Variants in SH3RF2 observed in about 807,000 individuals in gnomAD.
The protein encoded by SH3RF2 is SH3 domain containing ring finger 2.
Under a neutral mutation model 59.0 loss-of-function variants are expected in SH3RF2, and 43 were observed. The observed-to-expected ratio is 0.73, with a 90% CI of 0.57 to 0.94. The LOEUF (loss-of-function observed/expected upper bound fraction) is 0.94. Among genes scored for constraint, SH3RF2 ranks in the 40% least tolerant of loss-of-function variants. The pLI is 0.00. For missense variants in SH3RF2, 930 were observed against 940.1 expected, an observed-to-expected ratio of 0.99 and a Z score of 0.14; for synonymous variants, 391 against 391.5, an observed-to-expected ratio of 1.00 and a Z score of 0.01.
intron 5 of SH3RF2, among the ~76,000 whole-genome samples, chr5:146,037,691 T>TA (rs1761987133): frequency 6.6e-6 from 1 of 152,330 alleles, no homozygotes; most frequent in Middle Eastern, 3.4e-3. Flanking sequence ...ATCAGCAATT[T>TA]AAAATCTTCC....
chr5:146,037,578 G>C (rs1761983956), intron 5 of SH3RF2, among the ~76,000 whole-genome samples: 1 of 152,052 alleles, frequency 6.6e-6, no homozygotes, highest in African/African-American at 2.4e-5. Flanking sequence ...GTTCCCACAG[G>C]AACTTCTCTT....
chr5:145,979,088 A>G (rs1330243003), intron 2 of SH3RF2, among the ~76,000 whole-genome samples: 7 of 152,192 alleles, frequency 4.6e-5, no homozygotes, highest in East Asian at 1.9e-4. Flanking sequence ...TCCTGGCCCT[A>G]AGTAAGATTA....
chr5:146,001,718 T>G (rs1047310107), intron 3 of SH3RF2, among the ~76,000 whole-genome samples: 1 of 152,218 alleles, frequency 6.6e-6, no homozygotes, highest in African/African-American at 2.4e-5. Flanking sequence ...AGCCCATCCA[T>G]GTGCCAAGCT....
intron 7 of SH3RF2, among the ~76,000 whole-genome samples, chr5:146,052,150 T>C (rs1033032541): frequency 6.6e-6 from 1 of 152,132 alleles, no homozygotes; most frequent in South Asian, 2.1e-4. Context: ...TAAATCCTGG[T>C]TATACCATCA....
intron 2 of SH3RF2, among the ~76,000 whole-genome samples, chr5:145,962,613 A>G (rs770777397): frequency 1.3e-5 from 2 of 150,566 alleles, no homozygotes; most frequent in East Asian, 4.0e-4. Context: ...CCTGGCACCT[A>G]CCTCATCCTC....
chr5:146,064,768 AAGG>A (rs1561773630), downstream of SH3RF2, among the ~76,000 whole-genome samples: 5,471 of 42,034 alleles, frequency 0.13, 1,261 homozygotes, highest in Non-Finnish European at 0.16. Flanking sequence ...GGAAGGAAGG[AAGG>A]AAGGAAAGGA....
chr5:146,055,956 TAA>T, intron 7 of SH3RF2, 23 bp from the exon 8 acceptor site: 1 of 1,515,712 alleles, frequency 6.6e-7, no homozygotes, highest in Non-Finnish European at 9.0e-7. Flanking sequence ...TTTCTTCTCT[TAA>T]AAAAAAAATT....
chr5:145,977,470 G>A (rs1052632808), intron 2 of SH3RF2, among the ~76,000 whole-genome samples: 2 of 152,176 alleles, frequency 1.3e-5, no homozygotes, highest in Non-Finnish European at 2.9e-5. Flanking sequence ...CAGCCAAGGA[G>A]ATACTCTGTA....
intron 2 of SH3RF2, among the ~76,000 whole-genome samples, chr5:145,943,089 G>C (rs184913963): frequency 1.1e-4 from 17 of 151,748 alleles, no homozygotes; most frequent in Admixed American, 1.0e-3. Context: ...TATATATAAA[G>C]AGCTTAGCAC....
intron 2 of SH3RF2, chr5:145,997,254 C>T: frequency 5.4e-6 from 5 of 929,066 alleles, no homozygotes; most frequent in Non-Finnish European, 9.0e-6. Context: ...AAGTCTGATA[C>T]ATGCATCTGT....
At chr5:145,946,550 G>A (rs1758011491) in intron 2 of SH3RF2, among the ~76,000 whole-genome samples, 1 of 152,180 alleles carries the variant, frequency 6.6e-6, no homozygotes, top group Admixed American at 6.5e-5. Flanking sequence ...ATAAAGTCAT[G>A]TGGTGACTGA....
intron 2 of SH3RF2, among the ~76,000 whole-genome samples, chr5:145,965,253 A>C (rs1409848154): frequency 1.3e-5 from 2 of 152,132 alleles, no homozygotes; most frequent in African/African-American, 4.8e-5. Flanking sequence ...ACCCACTGCA[A>C]TTTTTTGTTT....
At chr5:146,046,057 C>T (rs958062092) in intron 5 of SH3RF2, among the ~76,000 whole-genome samples, 9 of 152,310 alleles carry the variant, frequency 5.9e-5, no homozygotes, top group South Asian at 4.1e-4. Flanking sequence ...ACATACATGA[C>T]CACACATACA....
intron 2 of SH3RF2, among the ~76,000 whole-genome samples, chr5:145,973,887 AG>A (rs1332411909): frequency 1.3e-5 from 2 of 152,212 alleles, no homozygotes; most frequent in Non-Finnish European, 2.9e-5. Flanking sequence ...TTGGAAAAGA[AG>A]GGACATTCAT....
At chr5:146,017,284 G>T (rs1335080203) in intron 5 of SH3RF2, among the ~76,000 whole-genome samples, 1 of 152,198 alleles carries the variant, frequency 6.6e-6, no homozygotes, top group African/African-American at 2.4e-5. Flanking sequence ...AACCAATGCA[G>T]CTGGCCTCTG....
At chr5:145,986,832 C>T (rs149670804) in intron 2 of SH3RF2, among the ~76,000 whole-genome samples, 3,341 of 152,260 alleles carry the variant, frequency 0.022, 39 homozygotes, top group Non-Finnish European at 0.035. Context: ...AATGGCAGCC[C>T]TGAAAAGGCA....
At position 146,058,871 on chromosome 5, in the gene SH3RF2, T is replaced by TA. The variant is rs35140745; in HGVS notation, c.1556-979dup. Among the ~76,000 whole-genome samples the TA allele has an allele frequency of 5.8e-3, 772 of 132,714 alleles. 3 individuals are homozygous for TA. Among genetic ancestry groups the TA allele is most frequent in the African/African-American group, 0.011 (367 of 33,702 alleles). The allele number at this position is 132,714 out of a possible 152,430, so 87.1% of individuals were successfully genotyped here. ...TTCCTGAGACAGGACCATCTCAATT[T>TA]AAAAAAAAAAAAAAAAGGAAAAGAA... On this transcript the variant is annotated intron_variant, in intron 8 of 9. Transcript: ENST00000359120.
At chr5:146,072,725 T>A (rs1404302996) in intron 9 of SH3RF2, among the ~76,000 whole-genome samples, 1 of 152,150 alleles carries the variant, frequency 6.6e-6, no homozygotes, top group Non-Finnish European at 1.5e-5. Context: ...GTTGACTAAA[T>A]GCAGGTACCT....
At chr5:146,051,408 G>T (rs899750182) in intron 7 of SH3RF2, among the ~76,000 whole-genome samples, 1 of 152,192 alleles carries the variant, frequency 6.6e-6, no homozygotes, top group Admixed American at 6.5e-5. Context: ...GGGGGAAGCA[G>T]AAAAACTAGC....
Sources: allele counts gnomAD v4.1 joint callset (sites outside exome capture counted in the v4.1 genomes callset), GRCh38; gene constraint gnomAD v4.1.1; transcripts MANE v1.5; gene names NCBI Gene and HGNC (gene_info 2026-07-23, HGNC 2026-07-21).